Variants in ELP4 observed in about 807,000 individuals in gnomAD.
ELP4 encodes the protein elongator acetyltransferase complex subunit 4.
ELP4 carries 51 observed loss-of-function variants against 48.9 expected under a neutral mutation model. That is an observed-to-expected ratio of 1.04 (90% CI 0.83 to 1.32). ELP4 has a LOEUF of 1.32. Among genes scored for constraint, ELP4 ranks in the 40% most tolerant of loss-of-function variants. The pLI, the probability that ELP4 is intolerant of heterozygous loss-of-function variation, is 0.00. For synonymous variants in ELP4, 210 were observed against 189.2 expected, an observed-to-expected ratio of 1.11 and a Z score of -0.90; for missense variants, 519 against 514.6, an observed-to-expected ratio of 1.01 and a Z score of -0.08.
chr11:31,521,577 C>A (rs1388863304), intron 2 of ELP4, among the ~76,000 whole-genome samples: 1 of 152,068 alleles, frequency 6.6e-6, no homozygotes, highest in Non-Finnish European at 1.5e-5. Context: ...GTAAAACTCA[C>A]ATTTATGGAG....
chr11:31,578,044 C>T (rs1957317346), intron 3 of ELP4, among the ~76,000 whole-genome samples: 1 of 152,180 alleles, frequency 6.6e-6, no homozygotes, highest in East Asian at 1.9e-4. Context: ...ATTTAGAAAA[C>T]CCCATCGTCT....
chr11:31,553,686 A>G (rs749347455), intron 3 of ELP4, among the ~76,000 whole-genome samples: 2 of 151,216 alleles, frequency 1.3e-5, no homozygotes, highest in Non-Finnish European at 2.9e-5. Flanking sequence ...CTATAATTAT[A>G]TGAGACAGTT....
intron 3 of ELP4, among the ~76,000 whole-genome samples, chr11:31,562,522 G>T (rs1957038707): frequency 6.6e-6 from 1 of 152,070 alleles, no homozygotes; most frequent in South Asian, 2.1e-4. Flanking sequence ...TCAGATTCAT[G>T]TAATTGATGT....
chr11:31,663,316 G>T (rs1945601934), intron 9 of ELP4: 1 of 151,822 alleles, frequency 6.6e-6, no homozygotes. Flanking sequence ...ATGAATTGTA[G>T]CTTCATACAA....
chr11:31,762,678 A>G (rs767520854), intron 9 of ELP4, among the ~76,000 whole-genome samples: 1 of 151,840 alleles, frequency 6.6e-6, no homozygotes, highest in Non-Finnish European at 1.5e-5. Context: ...ATTAATTTTA[A>G]ATAATTAACT....
In ELP4 at chr11:31,509,836, G is replaced by A. The variant is rs776186007; in HGVS notation, c.52G>A (p.Val18Met). The A allele has an allele frequency of 4.3e-6, 7 of 1,614,104 alleles. No individual in the cohort carries two copies. Among genetic ancestry groups the A allele is most frequent in the Non-Finnish European group, 5.9e-6 (7 of 1,180,040 alleles). ...GSVAASTGSA[V>M]ATASKSNVTS... ...TGTTGCCGCGAGTACTGGGTCTGCAGTGGCGACAGCCAGCAAGAGCAACGT... is the reference window on the plus strand; with the variant it reads ...TGTTGCCGCGAGTACTGGGTCTGCAATGGCGACAGCCAGCAAGAGCAACGT... Residue 18 changes from valine to methionine, a missense_variant, in exon 1 of 10, where the codon GTG becomes ATG. Val to Met is a conservative substitution (Grantham distance 21). Coordinates refer to ENST00000640961, the MANE Select transcript of ELP4 (RefSeq NM_019040.5).
intron 3 of ELP4, among the ~76,000 whole-genome samples, chr11:31,576,956 G>A (rs1023948194): frequency 3.3e-5 from 5 of 152,132 alleles, no homozygotes; most frequent in Admixed American, 3.3e-4. Context: ...CAGAACTGAA[G>A]GAGATGGAGA....
chr11:31,545,852 A>T (rs1415246918), intron 3 of ELP4, among the ~76,000 whole-genome samples: 2 of 152,130 alleles, frequency 1.3e-5, no homozygotes, highest in South Asian at 2.1e-4. Flanking sequence ...AGAAAAGAAT[A>T]TTCAACCCAG....
intron 9 of ELP4, among the ~76,000 whole-genome samples, chr11:31,759,691 C>CTTTTTCT (rs1192937945): frequency 2.0e-5 from 3 of 151,258 alleles, no homozygotes; most frequent in East Asian, 1.9e-4. Flanking sequence ...GTTTTCTTTT[C>CTTTTTCT]TTTTTCTTTT....
chr11:31,671,777 CA>C (rs1194502473), intron 9 of ELP4, among the ~76,000 whole-genome samples: 2 of 152,144 alleles, frequency 1.3e-5, no homozygotes, highest in African/African-American at 4.8e-5. Context: ...TGCAGCATCT[CA>C]AGGTAGAAAA....
chr11:31,667,671 T>G lies in ELP4; in HGVS notation c.1143+17450T>G, dbSNP rs533240247. 3.8e-3 allele frequency among the ~76,000 whole-genome samples: 578 copies of G among 152,242 alleles called. 5 individuals carry two copies. Among genetic ancestry groups the G allele is most frequent in the African/African-American group, 0.013 (552 of 41,570 alleles). ...TTATATAATTCCACATTTTTAAAAT[T>G]TCAACTATAAAACTTCTACCGGTGA... is the stretch of plus-strand genomic sequence containing the variant. On this transcript the variant is annotated intron_variant, in intron 9 of 9. Transcript: ENST00000640961.
chr11:31,614,644 T>C (rs536929928), intron 5 of ELP4, among the ~76,000 whole-genome samples: 1 of 152,168 alleles, frequency 6.6e-6, no homozygotes, highest in Non-Finnish European at 1.5e-5. Context: ...CTTAATCAAG[T>C]TAACATCACC....
chr11:31,781,675 T>C (rs1948380449), intron 9 of ELP4, among the ~76,000 whole-genome samples: 1 of 151,772 alleles, frequency 6.6e-6, no homozygotes, highest in Non-Finnish European at 1.5e-5. Flanking sequence ...ATTTTTGTAT[T>C]TTTAGTAGAG....
chr11:31,632,426 C>A (rs1944881424), intron 7 of ELP4, 21 bp downstream of exon 7: 2 of 1,579,986 alleles, frequency 1.3e-6, no homozygotes, highest in Non-Finnish European at 1.7e-6. Flanking sequence ...TCCAGAACTA[C>A]TTTTTCATAA....
At chr11:31,775,654 G>T (rs942113720) in intron 9 of ELP4, among the ~76,000 whole-genome samples, 1 of 152,058 alleles carries the variant, frequency 6.6e-6, no homozygotes, top group African/African-American at 2.4e-5. Context: ...GGACAACATA[G>T]TGTGACCCTA....
At chr11:31,732,694 C>A (rs1947218493) in intron 9 of ELP4, among the ~76,000 whole-genome samples, 2 of 152,104 alleles carry the variant, frequency 1.3e-5, no homozygotes, top group South Asian at 4.1e-4. Flanking sequence ...GGGGACACAT[C>A]AGCTGAAAGA....
At chr11:31,527,228 A>T (rs1956309250) in intron 2 of ELP4, among the ~76,000 whole-genome samples, 1 of 152,016 alleles carries the variant, frequency 6.6e-6, no homozygotes, top group South Asian at 2.1e-4. Context: ...GCTTTATTTC[A>T]AATGATGGTA....
At chr11:31,678,874 G>C (rs1322491107) in intron 9 of ELP4, among the ~76,000 whole-genome samples, 1 of 152,096 alleles carries the variant, frequency 6.6e-6, no homozygotes, top group Non-Finnish European at 1.5e-5. Flanking sequence ...ATTCCCACCA[G>C]CAATGAATGA....
intron 9 of ELP4, among the ~76,000 whole-genome samples, chr11:31,709,030 G>A (rs1421666330): frequency 6.6e-6 from 1 of 152,024 alleles, no homozygotes; most frequent in Non-Finnish European, 1.5e-5. Flanking sequence ...TCTATGACAG[G>A]AGGTCCACGA....
Sources: allele counts gnomAD v4.1 joint callset (sites outside exome capture counted in the v4.1 genomes callset), GRCh38; gene constraint gnomAD v4.1.1; transcripts MANE v1.5; gene names NCBI Gene and HGNC (gene_info 2026-07-23, HGNC 2026-07-21).